The following C5 variants were observed in gnomAD, a reference collection of about 807,000 sequenced individuals.
The protein encoded by C5 is C3 and PZP-like alpha-2-macroglobulin domain-containing protein 4.
A neutral mutation model predicts 218.8 loss-of-function variants in C5; 140 were observed. That is an observed-to-expected ratio of 0.64 (90% CI 0.56 to 0.74). The LOEUF is 0.74. Among genes scored for constraint, C5 ranks in the 30% least tolerant of loss-of-function variants. C5 has a pLI of 0.00. For synonymous variants in C5, 614 were observed against 682.3 expected, an observed-to-expected ratio of 0.90 and a Z score of 1.56; for missense variants, 1,700 against 1,969.6, an observed-to-expected ratio of 0.86 and a Z score of 2.59.
intron 7 of C5, among the ~76,000 whole-genome samples, chr9:121,030,068 C>T (rs934499219): frequency 6.6e-6 from 1 of 152,134 alleles, no homozygotes; most frequent in African/African-American, 2.4e-5. Context: ...CTGATTAAAT[C>T]ATTAAAAAAA....
Position 120,993,435 on chromosome 9 carries a change from A to ATT in C5, c.2852-2157_2852-2156dup, listed in dbSNP as rs1054972378. On this transcript the variant is annotated intron_variant, in intron 22 of 40. Transcript: ENST00000223642. ...TAACAATAGAGTTATATATATATAT[A>ATT]TTTTTGAGACGGAGTCTCGCTCTGT... Among the ~76,000 whole-genome samples, 9 of 152,068 alleles carry ATT rather than the reference A, an allele frequency of 5.9e-5. No individual in the cohort carries two copies. The East Asian group carries it at 7.7e-4, about 13-fold the overall frequency.
intron 17 of C5, among the ~76,000 whole-genome samples, chr9:121,013,391 T>C (rs1202378083): frequency 6.6e-6 from 1 of 151,714 alleles, no homozygotes; most frequent in Admixed American, 6.6e-5. Flanking sequence ...GTTCTATAAA[T>C]TCTGGAAACA....
At position 121,027,230 on chromosome 9, in the gene C5, GT is replaced by G. The variant is rs1431768215; in HGVS notation, c.802del (p.Thr268HisfsTer4). 2 of 1,601,292 alleles carry G rather than the reference GT, an allele frequency of 1.2e-6. No individual in the cohort carries two copies. Among genetic ancestry groups the G allele is most frequent in the African/African-American group, 1.3e-5 (1 of 74,836 alleles). On this transcript the variant is annotated frameshift_variant, in exon 8 of 41. Coordinates refer to ENST00000223642, the MANE Select transcript of C5 (RefSeq NM_001735.3). LOFTEE classifies it high-confidence loss of function. ...TTTTAAGTCTTCTCTTATTCCAAAT[GT>G]GATATAAACGTCAGCCTCAGTGACT... ...KVVTEADVYI[T>X]FGIREDLKDD...
chr9:121,012,649 T>C (rs2047271438), intron 17 of C5, among the ~76,000 whole-genome samples: 3 of 152,260 alleles, frequency 2.0e-5, no homozygotes, highest in African/African-American at 7.2e-5. Context: ...TATTAGATAT[T>C]GCTTAACAAT....
chr9:120,996,971 ATAG>A (rs1487168024), intron 21 of C5, among the ~76,000 whole-genome samples: 2 of 151,932 alleles, frequency 1.3e-5, no homozygotes, highest in South Asian at 2.1e-4. Flanking sequence ...ATTAATGTTA[ATAG>A]CGTGAATACA....
chr9:121,074,580 G>A, the C5 span, among the ~76,000 whole-genome samples: 2 of 152,250 alleles, frequency 1.3e-5, no homozygotes, highest in Non-Finnish European at 1.5e-5. Flanking sequence ...AAGTGGGGGA[G>A]GCCGGGGAGG....
In C5 at chr9:120,960,253, G is replaced by T. The variant is rs774166079; in HGVS notation, c.4673C>A (p.Ala1558Glu). The T allele has an allele frequency of 6.9e-6, 11 of 1,604,564 alleles. No individual in the cohort carries two copies. The South Asian group carries it at 1.1e-4, about 16-fold the overall frequency. The change falls in exon 38 of 41, where the codon GCA (alanine) becomes GAA (glutamate). Residue 1558 changes from alanine to glutamate, a missense_variant. Ala to Glu is a moderately radical substitution (Grantham distance 107). Transcript: ENST00000223642. ...TATTGAACTTTTGAACTCACCATAT[G>T]CAATCTCTGGTTTACATGCTGTTTG... is the stretch of plus-strand genomic sequence containing the variant. ...RKQTACKPEI[A>E]YAYKVSITSI...
At chr9:121,021,932 C>T (rs1304286476) in intron 10 of C5, among the ~76,000 whole-genome samples, 3 of 151,782 alleles carry the variant, frequency 2.0e-5, no homozygotes, top group African/African-American at 7.3e-5. Flanking sequence ...GCCATCCTCC[C>T]ACCTCAGCCT....
chr9:121,025,801 T>C (rs1334550787), intron 8 of C5: 1 of 467,800 alleles, frequency 2.1e-6, no homozygotes, highest in African/African-American at 2.0e-5. Context: ...GAACATCACA[T>C]GGTCCAACAG....
At chr9:121,028,691 T>C (rs1048834433) in intron 7 of C5, among the ~76,000 whole-genome samples, 4 of 152,012 alleles carry the variant, frequency 2.6e-5, no homozygotes, top group African/African-American at 9.7e-5. Flanking sequence ...CTGGGGCCTG[T>C]CATGGGGTGG....
chr9:120,996,211 C>G, intron 22 of C5, 29 bp downstream of exon 22: 1 of 1,474,656 alleles, frequency 6.8e-7, no homozygotes, highest in South Asian at 1.1e-5. Context: ...CAAAAGATAA[C>G]ATATAAAATA....
At chr9:121,034,138 T>A (rs2047502603) in intron 5 of C5, among the ~76,000 whole-genome samples, 1 of 152,210 alleles carries the variant, frequency 6.6e-6, no homozygotes, top group Admixed American at 6.5e-5. Flanking sequence ...CAGGCTGGTC[T>A]CAAATTCCTG....
chr9:120,981,935 G>A lies in C5; in HGVS notation c.3395C>T (p.Thr1132Ile). 1.2e-6 allele frequency: 2 copies of A among 1,611,230 alleles called. No homozygotes were observed. Among genetic ancestry groups the A allele is most frequent in the Non-Finnish European group, 1.7e-6 (2 of 1,177,440 alleles). Residue 1132 changes from threonine to isoleucine, a missense_variant, in exon 27 of 41, where the codon ACC becomes ATC. Coordinates refer to ENST00000223642, the MANE Select transcript of C5 (RefSeq NM_001735.3). Reference protein sequence around the residue: ...SQYQPIKLQGTLPVEARENSL... With the variant: ...SQYQPIKLQGILPVEARENSL... ...GTTCTCTCGGGCTTCAACAGGCAAG[G>A]TACCCTAAAAAGAAGCAATGTTTTA...
Position 121,007,376 on chromosome 9 carries a change from T to C in C5, c.2349-399A>G, listed in dbSNP as rs369217817. Among the ~76,000 whole-genome samples, 41 of 152,370 alleles carry C rather than the reference T, an allele frequency of 2.7e-4. No individual in the cohort carries two copies. The East Asian group carries it at 7.1e-3, about 26-fold the overall frequency. On this transcript the variant is annotated intron_variant, in intron 18 of 40. Coordinates refer to ENST00000223642, the MANE Select transcript of C5 (RefSeq NM_001735.3). ...GATTATGATTAAGCTTGTATATTTATTTACAGCTATTGTCTACCAACTTTG... is the reference window on the plus strand; with the variant it reads ...GATTATGATTAAGCTTGTATATTTACTTACAGCTATTGTCTACCAACTTTG...
chr9:120,979,214 C>T (rs1349127041), intron 28 of C5, among the ~76,000 whole-genome samples: 2 of 152,196 alleles, frequency 1.3e-5, no homozygotes, highest in East Asian at 1.9e-4. Flanking sequence ...GGCATTTGCA[C>T]GTGCTGTTCT....
chr9:121,057,621 T>C, the C5 span, among the ~76,000 whole-genome samples: 1 of 151,952 alleles, frequency 6.6e-6, no homozygotes, highest in African/African-American at 2.4e-5. Flanking sequence ...CAAAAACCTA[T>C]AATTGCTACA....
chr9:121,033,358 A>T (rs1474171478), intron 5 of C5, among the ~76,000 whole-genome samples: 1 of 152,236 alleles, frequency 6.6e-6, no homozygotes, highest in Admixed American at 6.5e-5. Context: ...TGAGATAGGG[A>T]GTAAAACAAA....
chr9:121,070,562 C>G, the C5 span, among the ~76,000 whole-genome samples: 2 of 151,296 alleles, frequency 1.3e-5, no homozygotes, highest in Admixed American at 6.6e-5. Context: ...GAATGAAATA[C>G]TGTAATTCAC....
At chr9:121,025,981 C>T (rs2047418479) in intron 8 of C5, 1 of 178,536 alleles carries the variant, frequency 5.6e-6, no homozygotes, top group African/African-American at 2.4e-5. Flanking sequence ...TTAAAACACA[C>T]AATGAGTAAA....
Sources: allele counts gnomAD v4.1 joint callset (sites outside exome capture counted in the v4.1 genomes callset), GRCh38; gene constraint gnomAD v4.1.1; transcripts MANE v1.5; gene names NCBI Gene and HGNC (gene_info 2026-07-23, HGNC 2026-07-21).